SLIT3: variants seen among roughly 807,000 people sequenced by gnomAD.
The protein encoded by SLIT3 is slit homolog 3 protein.
In SLIT3, 68 loss-of-function variants were observed where a neutral mutation model predicts 184.0. The observed-to-expected ratio is 0.37, with a 90% CI of 0.30 to 0.45. The LOEUF (loss-of-function observed/expected upper bound fraction) is 0.45. Ranked by LOEUF, SLIT3 falls within the 20% of genes least tolerant of loss-of-function variation. SLIT3 has a pLI of 1.00. For missense variants in SLIT3, 1,707 were observed against 2,026.0 expected (o/e 0.84, Z 3.02); for synonymous variants, 831 against 828.6 (o/e 1.00, Z -0.05).
chr5:169,102,818 A>C (rs1275930759), intron 4 of SLIT3, among the ~76,000 whole-genome samples: 1 of 152,258 alleles, frequency 6.6e-6, no homozygotes, highest in East Asian at 1.9e-4. Context: ...TCTCATCCCG[A>C]AACATCCTCA....
At chr5:168,675,193 T>C (rs1761369856) in intron 32 of SLIT3, among the ~76,000 whole-genome samples, 1 of 152,182 alleles carries the variant, frequency 6.6e-6, no homozygotes, top group Non-Finnish European at 1.5e-5. Flanking sequence ...CTCTGTCTTA[T>C]CTATTCAGGT....
chr5:168,799,749 T>A (rs991744834), intron 9 of SLIT3, among the ~76,000 whole-genome samples: 2 of 152,190 alleles, frequency 1.3e-5, no homozygotes, highest in African/African-American at 4.8e-5. Flanking sequence ...TTTTGATATG[T>A]CAGACACTGT....
chr5:168,775,533 C>CCT (rs59749986), intron 12 of SLIT3, among the ~76,000 whole-genome samples: 21,118 of 151,990 alleles, frequency 0.14, 1,836 homozygotes, highest in African/African-American at 0.23. Context: ...CTCACACCCC[C>CCT]GTTTATTTCC....
intron 3 of SLIT3, among the ~76,000 whole-genome samples, chr5:169,233,331 T>C (rs949004162): frequency 6.6e-6 from 1 of 152,018 alleles, no homozygotes; most frequent in Admixed American, 6.5e-5. Flanking sequence ...TCGGCATTGG[T>C]ATTTTTTGGT....
chr5:168,964,873 C>T (rs566222406), intron 4 of SLIT3, among the ~76,000 whole-genome samples: 35 of 152,266 alleles, frequency 2.3e-4, no homozygotes, highest in African/African-American at 7.9e-4. Context: ...CACTAGGGCC[C>T]TTAATACATT....
At chr5:168,771,997 A>G (rs1755567566) in intron 14 of SLIT3, among the ~76,000 whole-genome samples, 2 of 151,906 alleles carry the variant, frequency 1.3e-5, no homozygotes, top group South Asian at 4.2e-4. Context: ...TTTTTTTTCC[A>G]GTAGAAAAGA....
At chr5:168,856,806 T>TGTGTGTGTGTGCGCGC (rs374432432) in intron 5 of SLIT3, among the ~76,000 whole-genome samples, 7 of 137,738 alleles carry the variant, frequency 5.1e-5, no homozygotes, top group African/African-American at 1.7e-4. Context: ...TGTGTGTGTG[T>TGTGTGTGTGTGCGCGC]GCGCGCGCGC....
chr5:168,776,803 A>G (rs1755764691), intron 12 of SLIT3, among the ~76,000 whole-genome samples: 1 of 152,202 alleles, frequency 6.6e-6, no homozygotes, highest in Non-Finnish European at 1.5e-5. Context: ...ACCAGGGCTC[A>G]GGAATGGACC....
At chr5:169,260,613 G>T (rs1443150512) in intron 1 of SLIT3, among the ~76,000 whole-genome samples, 1 of 152,166 alleles carries the variant, frequency 6.6e-6, no homozygotes, top group Non-Finnish European at 1.5e-5. Flanking sequence ...GGGTTCTACA[G>T]TATCTCTCTG....
chr5:168,779,146 T>C (rs765223890), intron 12 of SLIT3, among the ~76,000 whole-genome samples: 6 of 152,196 alleles, frequency 3.9e-5, no homozygotes, highest in Non-Finnish European at 8.8e-5. Context: ...CTGGGGCTCA[T>C]AGAGCTTAAA....
chr5:168,796,485 C>G (rs1756569295), intron 9 of SLIT3, among the ~76,000 whole-genome samples: 1 of 152,190 alleles, frequency 6.6e-6, no homozygotes, highest in Admixed American at 6.5e-5. Flanking sequence ...ATCTCATCCT[C>G]ATCCATCTCC....
chr5:168,884,242 C>G (rs149831122), intron 4 of SLIT3, among the ~76,000 whole-genome samples: 1 of 151,596 alleles, frequency 6.6e-6, no homozygotes, highest in Non-Finnish European at 1.5e-5. Flanking sequence ...GCCTCCAGAG[C>G]GTGCAAACTG....
chr5:169,157,668 TC>T (rs1210468634), intron 4 of SLIT3, among the ~76,000 whole-genome samples: 2 of 152,132 alleles, frequency 1.3e-5, no homozygotes, highest in African/African-American at 4.8e-5. Flanking sequence ...AAACCACTCA[TC>T]ATGCAGTGAA....
intron 4 of SLIT3, among the ~76,000 whole-genome samples, chr5:168,925,216 T>G (rs1342170223): frequency 6.6e-6 from 1 of 152,176 alleles, no homozygotes; most frequent in Non-Finnish European, 1.5e-5. Context: ...ACAAACTTGT[T>G]GAATGGGCTC....
chr5:169,243,369 TAAG>T (rs932320709), intron 3 of SLIT3, among the ~76,000 whole-genome samples: 16 of 152,314 alleles, frequency 1.1e-4, no homozygotes, highest in South Asian at 6.2e-4. Flanking sequence ...TTGGTCTAAA[TAAG>T]AAGAACTTGA....
intron 1 of SLIT3, among the ~76,000 whole-genome samples, chr5:169,258,630 A>C (rs1319327968): frequency 6.6e-6 from 1 of 152,204 alleles, no homozygotes; most frequent in Non-Finnish European, 1.5e-5. Flanking sequence ...CAATGCTGCG[A>C]CTTGGAGCTT....
At chr5:168,829,585 C>T (rs367897934) in intron 6 of SLIT3, among the ~76,000 whole-genome samples, 158 of 152,342 alleles carry the variant, frequency 1.0e-3, no homozygotes, top group Middle Eastern at 6.8e-3. Flanking sequence ...GCCACCATGA[C>T]GACAGGATAT....
chr5:169,163,393 C>T (rs975091674), intron 4 of SLIT3, among the ~76,000 whole-genome samples: 4 of 152,156 alleles, frequency 2.6e-5, no homozygotes, highest in Middle Eastern at 3.2e-3. Flanking sequence ...AACGTGCAGA[C>T]TCCAATGCAT....
chr5:168,688,187 C>G (rs988036659), intron 29 of SLIT3, among the ~76,000 whole-genome samples: 1 of 152,240 alleles, frequency 6.6e-6, no homozygotes. Context: ...CTTACTGGCG[C>G]TTCTGCCTTC....
Sources: gnomAD v4.1 joint callset for allele counts (sites outside exome capture counted in the v4.1 genomes callset) on GRCh38, gnomAD v4.1.1 for gene constraint, MANE v1.5 for transcripts, NCBI Gene and HGNC (gene_info 2026-07-23, HGNC 2026-07-21) for gene names.